Variants in NFIC observed in about 807,000 individuals in gnomAD.
NFIC encodes nuclear factor I C, also known as nuclear factor 1 C-type.
NFIC carries 12 observed loss-of-function variants against 54.4 expected under a neutral mutation model. The ratio of observed to expected loss-of-function variants is 0.22; its 90% confidence interval spans 0.14 to 0.36. The LOEUF is 0.36. Among genes scored for constraint, NFIC ranks in the 10% least tolerant of loss-of-function variants. The pLI is 1.00. For synonymous variants in NFIC, 322 were observed against 319.2 expected, an observed-to-expected ratio of 1.01 and a Z score of -0.09; for missense variants, 575 against 718.2, an observed-to-expected ratio of 0.80 and a Z score of 2.28.
In NFIC at chr19:3,464,811, C is replaced by T. The variant is rs1228181692; in HGVS notation, c.*2042C>T. 2 of 694,036 alleles carry T rather than the reference C, an allele frequency of 2.9e-6. No individual in the cohort carries two copies. The highest frequency in any genetic ancestry group is 6.3e-5 in the Admixed American group (1 of 15,854). 43.0% of individuals were successfully genotyped at this position (694,036 alleles called of 1,614,324 possible). A position where few individuals can be genotyped will look rare whatever the true frequency, so the allele number is the denominator to read the frequency against. Reference sequence around the variant, plus strand: ...GCCCTTGGTCCCTCCGTCCGTCTGTCCTCGGGGCCCGCTCCCCCGGTGGCC... The same window carrying T: ...GCCCTTGGTCCCTCCGTCCGTCTGTTCTCGGGGCCCGCTCCCCCGGTGGCC... On this transcript the variant is annotated 3_prime_UTR_variant, in exon 11 of 11. Coordinates refer to ENST00000443272, the MANE Select transcript of NFIC (RefSeq NM_001245002.2).
chr19:3,448,811 C>T (rs1568192808), intron 6 of NFIC, among the ~76,000 whole-genome samples: 1 of 152,174 alleles, frequency 6.6e-6, no homozygotes, highest in African/African-American at 2.4e-5. Flanking sequence ...CCGGCTGTGC[C>T]GCCCTGGCTA....
rs1451505546 is a variant in NFIC at position 3,452,290 on chromosome 19, A to C, written c.1085-192A>C. On this transcript the variant is annotated intron_variant, in intron 7 of 10. Transcript: ENST00000443272. The surrounding 1 kb of genome is among the most constrained non-coding windows in gnomAD (Gnocchi z 5.3). Reference sequence around the variant, plus strand: ...AACACAAGGATAATATCACAGCCCCAGTGGGGTTGCCGTGGGAGTCGGGGA... The same window carrying C: ...AACACAAGGATAATATCACAGCCCCCGTGGGGTTGCCGTGGGAGTCGGGGA... Among the ~76,000 whole-genome samples, 2 of 152,068 alleles carry C rather than the reference A, an allele frequency of 1.3e-5. No individual in the cohort carries two copies. The highest frequency in any genetic ancestry group is 4.8e-5 in the African/African-American group (2 of 41,394).
chr19:3,404,974 C>T (rs1568425926), intron 2 of NFIC, among the ~76,000 whole-genome samples: 1 of 152,180 alleles, frequency 6.6e-6, no homozygotes, highest in Non-Finnish European at 1.5e-5. Flanking sequence ...ATGCTGGGGA[C>T]GGTTCCGGGG....
At chr19:3,410,764 G>A (rs2081743795) in intron 2 of NFIC, 1 of 152,320 alleles carries the variant, frequency 6.6e-6, no homozygotes, top group Non-Finnish European at 1.5e-5. Flanking sequence ...AAGCTCCTCT[G>A]AGCATAGCAA....
At chr19:3,385,170 C>T (rs2081274593) in intron 2 of NFIC, among the ~76,000 whole-genome samples, 4 of 150,136 alleles carry the variant, frequency 2.7e-5, no homozygotes, top group Admixed American at 2.6e-4. Context: ...CAGCAGGCCA[C>T]ACCCTCCCCC....
chr19:3,380,039 C>A (rs1370375750), intron 1 of NFIC, among the ~76,000 whole-genome samples: 1 of 151,436 alleles, frequency 6.6e-6, no homozygotes, highest in Admixed American at 6.6e-5. Context: ...CTTGCTCTGT[C>A]GCCCAGGCTG....
rs3834984 is a variant in NFIC at position 3,370,480 on chromosome 19, C to CCTCTCTCT, written c.30+3829_30+3836dup. Reference sequence around the variant, plus strand: ...GGGATTCTGGCAGAGTCAGCGTTCTCCTCTCTCTCTCTCTCTCTCTCTGTC... The same window carrying CCTCTCTCT: ...GGGATTCTGGCAGAGTCAGCGTTCTCCTCTCTCTCTCTCTCTCTCTCTCTCTCTCTGTC... On this transcript the variant is annotated intron_variant, in intron 1 of 10. Transcript: ENST00000443272. This position sits in a 1 kb window ranked among gnomAD's most constrained non-coding sequence, Gnocchi z 5.2. Among the ~76,000 whole-genome samples the CCTCTCTCT allele has an allele frequency of 4.8e-5, 7 of 146,940 alleles. No homozygotes were observed. Among genetic ancestry groups the CCTCTCTCT allele is most frequent in the African/African-American group, 1.0e-4 (4 of 39,206 alleles).
Position 3,464,284 on chromosome 19 carries a change from G to A in NFIC, c.*1515G>A, listed in dbSNP as rs1322885070. ...TCGGAACGGGGAGGGTTTTCGGGGG[G>A]TTCGGCGTCGCACCTTGGGGCCCCC... On this transcript the variant is annotated 3_prime_UTR_variant, in exon 11 of 11. Coordinates refer to ENST00000443272, the MANE Select transcript of NFIC (RefSeq NM_001245002.2). 1.6e-5 allele frequency: 16 copies of A among 985,244 alleles called. No homozygotes were observed. In the Admixed American group the frequency reaches 7.4e-4, roughly 45 times the overall value. 61.0% of individuals were successfully genotyped at this position (985,244 alleles called of 1,614,324 possible).
At position 3,370,602 on chromosome 19, in the gene NFIC, TCC is replaced by T. The variant is rs958047358; in HGVS notation, c.30+3939_30+3940del. Among the ~76,000 whole-genome samples the T allele has an allele frequency of 3.3e-5, 5 of 150,484 alleles. No homozygotes were observed. Among genetic ancestry groups the T allele is most frequent in the African/African-American group, 9.8e-5 (4 of 40,754 alleles). ...CTTTCCCTCTTCCTTTCTCTCTCTC[TCC>T]CCGTCTCCCTTCTCTCCCTCTCTCC... On this transcript the variant is annotated intron_variant, in intron 1 of 10. Coordinates refer to ENST00000443272, the MANE Select transcript of NFIC (RefSeq NM_001245002.2). The surrounding 1 kb of genome is among the most constrained non-coding windows in gnomAD (Gnocchi z 5.2).
chr19:3,446,980 C>T (rs916833967), intron 6 of NFIC, among the ~76,000 whole-genome samples: 51 of 152,032 alleles, frequency 3.4e-4, no homozygotes, highest in African/African-American at 1.2e-3. Flanking sequence ...GAGCCATGAT[C>T]GTGCCTCTGC....
At chr19:3,445,613 C>A (rs1366500049) in intron 6 of NFIC, among the ~76,000 whole-genome samples, 2 of 152,168 alleles carry the variant, frequency 1.3e-5, no homozygotes, top group African/African-American at 4.8e-5. Context: ...GTGTGCAGGG[C>A]CATGGGGACA....
In NFIC at chr19:3,464,352, G is replaced by C. The variant is rs545888364; in HGVS notation, c.*1583G>C. 1 of 984,830 alleles carries C rather than the reference G, an allele frequency of 1.0e-6. No individual in the cohort carries two copies. Among genetic ancestry groups the C allele is most frequent in the African/African-American group, 1.8e-5 (1 of 57,034 alleles). 61.0% of individuals were successfully genotyped at this position (984,830 alleles called of 1,614,324 possible). ...CCTCCCATCTGCTAAGCGTTTTTCC[G>C]TTGAGCCGCTCCAAAAACACTAAGC... On this transcript the variant is annotated 3_prime_UTR_variant, in exon 11 of 11. Transcript: ENST00000443272.
intron 1 of NFIC, among the ~76,000 whole-genome samples, chr19:3,378,466 C>T (rs1259852777): frequency 6.6e-6 from 1 of 152,200 alleles, no homozygotes; most frequent in Non-Finnish European, 1.5e-5. Flanking sequence ...GGCCTCCCCA[C>T]ACCCAGACAG....
chr19:3,451,750 T>C (rs2082466472), intron 7 of NFIC, among the ~76,000 whole-genome samples: 1 of 151,600 alleles, frequency 6.6e-6, no homozygotes, highest in Non-Finnish European at 1.5e-5. Flanking sequence ...GTCTGCCATC[T>C]GATGCCGTGT....
chr19:3,361,395 G>C (rs866189746), intron 1 of NFIC, among the ~76,000 whole-genome samples: 2 of 152,140 alleles, frequency 1.3e-5, no homozygotes, highest in South Asian at 2.1e-4. Context: ...ACCGGGACTG[G>C]TCCCGCAGTC....
At chr19:3,395,394 G>A (rs1465025161) in intron 2 of NFIC, among the ~76,000 whole-genome samples, 1 of 151,830 alleles carries the variant, frequency 6.6e-6, no homozygotes, top group African/African-American at 2.4e-5. Context: ...TGCAATCACA[G>A]CTCACTGCAG....
chr19:3,437,786 C>T (rs1325200125), intron 6 of NFIC, among the ~76,000 whole-genome samples: 4 of 151,162 alleles, frequency 2.6e-5, no homozygotes, highest in Non-Finnish European at 5.9e-5. Context: ...TCAAGTGATT[C>T]TCCTGCCTCA....
At chr19:3,389,430 C>G (rs1006695535) in intron 2 of NFIC, among the ~76,000 whole-genome samples, 2 of 152,284 alleles carry the variant, frequency 1.3e-5, no homozygotes, top group African/African-American at 4.8e-5. Flanking sequence ...GCCTCCCGTC[C>G]TCTTCTGCCT....
chr19:3,449,111 C>G lies in NFIC; in HGVS notation c.1056C>G (p.His352Gln), dbSNP rs1175764489. The G allele has an allele frequency of 6.2e-7, 1 of 1,613,760 alleles. No individual in the cohort carries two copies. The highest frequency in any genetic ancestry group is 2.2e-5 in the East Asian group (1 of 44,874). ...DSPRLSSFTQ[H>Q]HRPVIAVHSG... ...CCCGCCTCTCCAGCTTCACCCAGCACCACCGGCCCGTCATCGCCGTGCACA... is the reference window on the plus strand; with the variant it reads ...CCCGCCTCTCCAGCTTCACCCAGCAGCACCGGCCCGTCATCGCCGTGCACA... Residue 352 changes from histidine to glutamine, a missense_variant, in exon 7 of 11, where the codon CAC becomes CAG. Physicochemically the swap from His to Gln is conservative, Grantham distance 24. This residue lies in a region of NFIC where 447 missense variants were observed against 526.9 expected (regional missense o/e 0.85). Coordinates refer to ENST00000443272, the MANE Select transcript of NFIC (RefSeq NM_001245002.2).
Sources: allele counts gnomAD v4.1 joint callset (sites outside exome capture counted in the v4.1 genomes callset), GRCh38; gene constraint gnomAD v4.1.1; regional missense constraint gnomAD v4.1.1; non-coding constraint Gnocchi (gnomAD v3.1); transcripts MANE v1.5; gene names NCBI Gene and HGNC (gene_info 2026-07-23, HGNC 2026-07-21).